Variants in COL28A1 observed in about 807,000 individuals in gnomAD.
The protein encoded by COL28A1 is collagen alpha-1(XXVIII) chain.
COL28A1 carries 161 observed loss-of-function variants against 150.2 expected under a neutral mutation model. The observed-to-expected ratio is 1.07, with a 90% CI of 0.94 to 1.22. The LOEUF (loss-of-function observed/expected upper bound fraction) is 1.22, where lower values mean the gene tolerates loss of function less well. COL28A1 is among the 50% of genes most tolerant of loss of function. The pLI is 0.00. For missense variants in COL28A1, 1,617 were observed against 1,388.3 expected, an observed-to-expected ratio of 1.16 and a Z score of -2.62; for synonymous variants, 552 against 469.7, an observed-to-expected ratio of 1.18 and a Z score of -2.26.
chr7:7,347,107 G>T, the COL28A1 span, among the ~76,000 whole-genome samples: 28 of 152,082 alleles, frequency 1.8e-4, no homozygotes, highest in African/African-American at 5.5e-4. Context: ...TCTTGATTCA[G>T]ATGAATTATA....
chr7:7,499,557 C>T (rs1406695811), intron 11 of COL28A1, among the ~76,000 whole-genome samples: 40 of 152,194 alleles, frequency 2.6e-4, no homozygotes, highest in Admixed American at 2.6e-3. Flanking sequence ...ATTTACTTCA[C>T]TTCAAGTGAT....
In COL28A1 at chr7:7,503,826, GA is replaced by G. The variant is rs139959452; in HGVS notation, c.1026+2187del. On this transcript the variant is annotated intron_variant, in intron 11 of 34. Transcript: ENST00000399429. ...GAACTATGACTAGAAAGAAAAGGGG[GA>G]ACTCATGCCCACTTCATAGACTCCG... Among the ~76,000 whole-genome samples the G allele has an allele frequency of 4.1e-4, 62 of 152,218 alleles. No individual in the cohort carries two copies. The East Asian group carries it at 0.012, about 29-fold the overall frequency.
intron 12 of COL28A1, among the ~76,000 whole-genome samples, chr7:7,489,926 TG>T (rs1779826399): frequency 6.6e-6 from 1 of 152,328 alleles, no homozygotes; most frequent in South Asian, 2.1e-4. Flanking sequence ...CCACCTTTCC[TG>T]GAGTCTCAAT....
At chr7:7,539,531 G>C (rs939323324), upstream of COL28A1, among the ~76,000 whole-genome samples, 1 of 152,176 alleles carries the variant, frequency 6.6e-6, no homozygotes, top group East Asian at 1.9e-4. Context: ...GAGGTTTGGA[G>C]GGGGCAAATA....
At chr7:7,346,415 C>G in the COL28A1 span, among the ~76,000 whole-genome samples, 1 of 151,970 alleles carries the variant, frequency 6.6e-6, no homozygotes, top group East Asian at 1.9e-4. Context: ...AGTACTCATT[C>G]TAAACATTCT....
At chr7:7,460,699 A>C (rs1374543222) in intron 15 of COL28A1, among the ~76,000 whole-genome samples, 1 of 152,230 alleles carries the variant, frequency 6.6e-6, no homozygotes, top group Non-Finnish European at 1.5e-5. Flanking sequence ...TGTTTTTAAC[A>C]ACTGTTTTCT....
intron 11 of COL28A1, among the ~76,000 whole-genome samples, chr7:7,491,094 T>C (rs2128369848): frequency 6.6e-6 from 1 of 152,290 alleles, no homozygotes; most frequent in South Asian, 2.1e-4. Context: ...CTGGAAGACA[T>C]ATTTTGTTTC....
chr7:7,476,756 C>T lies in COL28A1; in HGVS notation c.1233+356G>A, dbSNP rs17459995. Among the ~76,000 whole-genome samples the T allele has an allele frequency of 4.7e-3, 708 of 152,118 alleles. 5 individuals carry two copies. The highest frequency in any genetic ancestry group is 0.022 in the East Asian group (116 of 5,178). On this transcript the variant is annotated intron_variant, in intron 14 of 34. Transcript: ENST00000399429. ...AGATTGGTTTCTTATCTGTGTTTCA[C>T]GAAAAAAGCTGTGAGCAAAGAATTG...
At chr7:7,466,149 ATTAC>A (rs1788063482) in intron 15 of COL28A1, among the ~76,000 whole-genome samples, 1 of 132,158 alleles carries the variant, frequency 7.6e-6, no homozygotes, top group African/African-American at 2.8e-5. Context: ...AGACGATCAA[ATTAC>A]TCTGAGCTAC....
chr7:7,412,700 G>A (rs1385505905), intron 27 of COL28A1, among the ~76,000 whole-genome samples: 2 of 152,050 alleles, frequency 1.3e-5, no homozygotes, highest in East Asian at 1.9e-4. Flanking sequence ...AGGGAGAGAT[G>A]AAATACTCAG....
rs1026283806 is a variant in COL28A1 at position 7,371,574 on chromosome 7, G to C, written c.2909-692C>G. Among the ~76,000 whole-genome samples the C allele has an allele frequency of 2.0e-4, 31 of 152,364 alleles. 1 individual carries two copies. Among genetic ancestry groups the C allele is most frequent in the African/African-American group, 7.2e-4 (30 of 41,590 alleles). On this transcript the variant is annotated intron_variant, in intron 32 of 34. Transcript: ENST00000399429. ...AGACTCCACTCCCAGGTGGGTGAAG[G>C]AGGAAGGATGAAGCCAAACTGAAGC...
intron 7 of COL28A1, among the ~76,000 whole-genome samples, chr7:7,516,757 C>CTATT (rs142569454): frequency 0.034 from 5,139 of 151,954 alleles, 312 homozygotes; most frequent in African/African-American, 0.12. Flanking sequence ...ATACTATTAT[C>CTATT]TATTTATTTA....
chr7:7,452,389 T>C lies in COL28A1; in HGVS notation c.1441-2A>G. On this transcript the variant is annotated splice_acceptor_variant, in intron 17 of 34. Coordinates refer to ENST00000399429, the MANE Select transcript of COL28A1 (RefSeq NM_001037763.3). LOFTEE classifies it high-confidence loss of function. Reference sequence around the variant, plus strand: ...AGGTCCCATTTGGCCTACTTCTCCCTAGTAAGAAAAGAGTTTAATACAGCA... The same window carrying C: ...AGGTCCCATTTGGCCTACTTCTCCCCAGTAAGAAAAGAGTTTAATACAGCA... The C allele has an allele frequency of 6.3e-7, 1 of 1,594,188 alleles. No individual in the cohort carries two copies. The highest frequency in any genetic ancestry group is 8.5e-7 in the Non-Finnish European group (1 of 1,175,414).
At chr7:7,426,475 G>A (rs947967779) in intron 25 of COL28A1, among the ~76,000 whole-genome samples, 5 of 152,082 alleles carry the variant, frequency 3.3e-5, no homozygotes, top group Non-Finnish European at 7.4e-5. Flanking sequence ...TTGAATGACC[G>A]TTGTCATATG....
chr7:7,381,057 T>C (rs148947151), intron 28 of COL28A1, among the ~76,000 whole-genome samples, 195 bp from the exon 29 acceptor site: 315 of 152,306 alleles, frequency 2.1e-3, no homozygotes, highest in Middle Eastern at 0.01. Context: ...TAATTCATGA[T>C]GAACCAGAGG....
chr7:7,340,655 T>C, the COL28A1 span, among the ~76,000 whole-genome samples: 1 of 152,126 alleles, frequency 6.6e-6, no homozygotes, highest in Non-Finnish European at 1.5e-5. Context: ...CATCTTTTTT[T>C]TTCCCCCTAA....
At chr7:7,345,007 T>TACAC in the COL28A1 span, among the ~76,000 whole-genome samples, 2 of 149,458 alleles carry the variant, frequency 1.3e-5, no homozygotes, top group African/African-American at 4.9e-5. Context: ...GAAATACACA[T>TACAC]ACACACACAC....
chr7:7,513,344 A>G (rs897116616), intron 8 of COL28A1, among the ~76,000 whole-genome samples: 1 of 152,206 alleles, frequency 6.6e-6, no homozygotes, highest in Non-Finnish European at 1.5e-5. Flanking sequence ...CTTATCAGTC[A>G]CCTGTAGCTG....
chr7:7,513,229 T>C (rs1464211967), intron 8 of COL28A1, among the ~76,000 whole-genome samples: 2 of 152,202 alleles, frequency 1.3e-5, no homozygotes, highest in African/African-American at 2.4e-5. Flanking sequence ...TTGCGAGGTA[T>C]ATATACATAT....
Sources: allele counts gnomAD v4.1 joint callset (sites outside exome capture counted in the v4.1 genomes callset), GRCh38; gene constraint gnomAD v4.1.1; transcripts MANE v1.5; gene names NCBI Gene and HGNC (gene_info 2026-07-23, HGNC 2026-07-21).